TENT4B: variants seen among roughly 807,000 people sequenced by gnomAD.
The protein encoded by TENT4B is PAP associated domain containing 5.
In TENT4B, 10 loss-of-function variants were observed where a neutral mutation model predicts 75.0. That is an observed-to-expected ratio of 0.13 (90% CI 0.08 to 0.23). The LOEUF is 0.23. Among genes scored for constraint, TENT4B ranks in the 10% least tolerant of loss-of-function variants. The probability of loss-of-function intolerance (pLI) is 1.00; values close to 1 mark genes in which losing one functional copy is unlikely to be tolerated. For synonymous variants in TENT4B, 350 were observed against 357.7 expected (o/e 0.98, Z 0.24); for missense variants, 579 against 893.8 (o/e 0.65, Z 4.49).
chr16:50,189,061 C>T (rs2038590065), intron 1 of TENT4B, among the ~76,000 whole-genome samples: 1 of 152,108 alleles, frequency 6.6e-6, no homozygotes, highest in African/African-American at 2.4e-5. Flanking sequence ...AGCTGGTGAT[C>T]CGTATCTTTT....
At chr16:50,174,774 C>T (rs890327732) in intron 1 of TENT4B, among the ~76,000 whole-genome samples, 5 of 136,230 alleles carry the variant, frequency 3.7e-5, no homozygotes, top group South Asian at 2.3e-4. Context: ...GATACGGAGT[C>T]GCTCTGTTAC....
Position 50,154,119 on chromosome 16 carries a change from G to A in TENT4B, c.498G>A (p.Lys166=). 2 of 1,529,768 alleles carry A rather than the reference G, an allele frequency of 1.3e-6. No homozygotes were observed. Among genetic ancestry groups the A allele is most frequent in the Non-Finnish European group, 1.7e-6 (2 of 1,144,458 alleles). 94.8% of individuals were successfully genotyped at this position (1,529,768 alleles called of 1,614,324 possible). Residue 166 remains lysine (K), a synonymous_variant, in exon 1 of 12, where the codon AAG becomes AAA. Transcript: ENST00000561678. ...GSSNKRKRDN[K]ASTYGLNYSL... is the part of the protein sequence containing the mutation. ...GCAACAAGAGGAAGCGCGACAACAA[G>A]GCCAGCACGTATGGACTCAACTACA... is the stretch of plus-strand genomic sequence containing the variant.
intron 1 of TENT4B, among the ~76,000 whole-genome samples, chr16:50,169,287 C>G (rs935912843): frequency 1.2e-4 from 18 of 150,900 alleles, no homozygotes; most frequent in African/African-American, 4.4e-4. Context: ...CTGGATTTTG[C>G]TGGTTATATT....
rs1303896296 is a variant in TENT4B at position 50,153,408 on chromosome 16, G to C, written c.-214G>C. ...GGGCGGAGGGAGGGGGGGAGGGCCC[G>C]CGGAGCCCCCGAGGGCGGGAGCGAC... is the stretch of plus-strand genomic sequence containing the variant. On this transcript the variant is annotated 5_prime_UTR_variant, in exon 1 of 12. Transcript: ENST00000561678. 1.4e-5 allele frequency among the ~76,000 whole-genome samples: 2 copies of C among 146,142 alleles called. No homozygotes were observed. The highest frequency in any genetic ancestry group is 6.8e-5 in the Admixed American group (1 of 14,744).
intron 1 of TENT4B, among the ~76,000 whole-genome samples, chr16:50,175,922 A>G (rs2038299007): frequency 6.6e-6 from 1 of 151,844 alleles, no homozygotes; most frequent in African/African-American, 2.4e-5. Context: ...AGCTGGGACT[A>G]CAGGTGAGCA....
At chr16:50,192,978 G>C (rs1190545497) in intron 1 of TENT4B, among the ~76,000 whole-genome samples, 1 of 152,180 alleles carries the variant, frequency 6.6e-6, no homozygotes, top group Non-Finnish European at 1.5e-5. Context: ...GGAGGCTGAG[G>C]TAGGAGGATT....
chr16:50,206,270 C>G (rs2030959518), intron 1 of TENT4B, among the ~76,000 whole-genome samples: 1 of 151,734 alleles, frequency 6.6e-6, no homozygotes, highest in Non-Finnish European at 1.5e-5. Context: ...ATTTATACTT[C>G]CCCACATGCA....
At chr16:50,188,216 A>T (rs1290466438) in intron 1 of TENT4B, among the ~76,000 whole-genome samples, 3 of 152,140 alleles carry the variant, frequency 2.0e-5, no homozygotes, top group Non-Finnish European at 4.4e-5. Context: ...GCTGTGGCAG[A>T]TTTGGAGGCC....
chr16:50,174,874 C>T lies in TENT4B; in HGVS notation c.638+20615C>T, dbSNP rs561777345. 1.9e-3 allele frequency among the ~76,000 whole-genome samples: 283 copies of T among 151,670 alleles called. 2 individuals are homozygous for T. The highest frequency in any genetic ancestry group is 5.9e-3 in the African/African-American group (245 of 41,386). On this transcript the variant is annotated intron_variant, in intron 1 of 11. Transcript: ENST00000561678. Reference sequence around the variant, plus strand: ...TTCTCTGCCTCAGCCTCCCGAGTAGCTGGGATTACAGGCGAATGCTACCAC... The same window carrying T: ...TTCTCTGCCTCAGCCTCCCGAGTAGTTGGGATTACAGGCGAATGCTACCAC...
intron 1 of TENT4B, among the ~76,000 whole-genome samples, chr16:50,186,581 G>C (rs913729600): frequency 6.6e-6 from 1 of 152,120 alleles, no homozygotes; most frequent in African/African-American, 2.4e-5. Flanking sequence ...TCTGATTTCA[G>C]TTCTTTTGGT....
upstream of TENT4B, chr16:50,153,118 GGC>G (rs1555506461): frequency 3.5e-6 from 4 of 1,137,692 alleles, no homozygotes; most frequent in Non-Finnish European, 4.5e-6. Context: ...TGTGACGCAC[GGC>G]GAGGCCTCCC....
At chr16:50,183,915 AC>A (rs2038473713) in intron 1 of TENT4B, among the ~76,000 whole-genome samples, 1 of 152,004 alleles carries the variant, frequency 6.6e-6, no homozygotes, top group Non-Finnish European at 1.5e-5. Context: ...GTGGTGGCTA[AC>A]CCATTTAAAG....
chr16:50,159,188 ATCTGC>A (rs1174827010), intron 1 of TENT4B, among the ~76,000 whole-genome samples: 1 of 150,552 alleles, frequency 6.6e-6, no homozygotes, highest in Non-Finnish European at 1.5e-5. Context: ...TAGGGCTTAT[ATCTGC>A]TTCTCTTTCT....
At chr16:50,181,298 T>G (rs1441063969) in intron 1 of TENT4B, among the ~76,000 whole-genome samples, 1 of 152,054 alleles carries the variant, frequency 6.6e-6, no homozygotes, top group East Asian at 1.9e-4. Flanking sequence ...ATCAGTCTGA[T>G]TCAAGCCACC....
At chr16:50,187,088 G>A (rs1274162360) in intron 1 of TENT4B, among the ~76,000 whole-genome samples, 1 of 152,038 alleles carries the variant, frequency 6.6e-6, no homozygotes, top group East Asian at 1.9e-4. Flanking sequence ...GTCCTTTGAT[G>A]CACAAAAGCT....
chr16:50,216,932 A>G (rs2031589666), intron 4 of TENT4B, among the ~76,000 whole-genome samples: 1 of 152,190 alleles, frequency 6.6e-6, no homozygotes, highest in Non-Finnish European at 1.5e-5. Flanking sequence ...AGCTTTTTAG[A>G]ATAATTTTTA....
rs1345940537 is a variant in TENT4B, at chr16:50,229,662, G to A, written c.*334G>A. ...GCTTTATGCAGAGTTATAGGGAATAGTATTCAGTGTTGGTAGGGTGATAGA... is the reference window on the plus strand; with the variant it reads ...GCTTTATGCAGAGTTATAGGGAATAATATTCAGTGTTGGTAGGGTGATAGA... On this transcript the variant is annotated 3_prime_UTR_variant, in exon 12 of 12. Transcript: ENST00000561678. 2 of 1,017,448 alleles carry A rather than the reference G, an allele frequency of 2.0e-6. No individual in the cohort carries two copies. The highest frequency in any genetic ancestry group is 8.9e-5 in the East Asian group (1 of 11,246). 63.0% of individuals were successfully genotyped at this position (1,017,448 alleles called of 1,614,324 possible).
chr16:50,156,314 T>C (rs1051120227), intron 1 of TENT4B, among the ~76,000 whole-genome samples: 1 of 151,534 alleles, frequency 6.6e-6, no homozygotes, highest in Non-Finnish European at 1.5e-5. Flanking sequence ...TCTGGGTGCT[T>C]AGAAATTCTT....
At chr16:50,156,986 T>C (rs552386269) in intron 1 of TENT4B, among the ~76,000 whole-genome samples, 1 of 152,290 alleles carries the variant, frequency 6.6e-6, no homozygotes, top group East Asian at 1.9e-4. Context: ...CTTTAGAAAG[T>C]TTTTCTATTT....
Sources: gnomAD v4.1 joint callset for allele counts (sites outside exome capture counted in the v4.1 genomes callset) on GRCh38, gnomAD v4.1.1 for gene constraint, MANE v1.5 for transcripts, NCBI Gene and HGNC (gene_info 2026-07-23, HGNC 2026-07-21) for gene names.